Variants in PDE4B observed in about 807,000 individuals in gnomAD.
The protein encoded by PDE4B is 3',5'-cyclic-AMP phosphodiesterase 4B.
Under a neutral mutation model 82.2 loss-of-function variants are expected in PDE4B, and 20 were observed. That is an observed-to-expected ratio of 0.24 (90% CI 0.17 to 0.35). The LOEUF (loss-of-function observed/expected upper bound fraction) is 0.35, where lower values mean the gene tolerates loss of function less well. PDE4B is among the 10% of genes least tolerant of loss of function. PDE4B has a pLI of 1.00. For synonymous variants in PDE4B, 320 were observed against 318.9 expected (o/e 1.00, Z -0.04); for missense variants, 655 against 907.2 (o/e 0.72, Z 3.57).
intron 3 of PDE4B, among the ~76,000 whole-genome samples, chr1:65,931,006 G>T (rs915179612): frequency 6.6e-6 from 1 of 152,200 alleles, no homozygotes; most frequent in Admixed American, 6.5e-5. Flanking sequence ...GGTGGGAGGT[G>T]ATTGGATCAT....
chr1:66,019,074 A>G (rs1370329373), intron 3 of PDE4B, among the ~76,000 whole-genome samples: 3 of 152,186 alleles, frequency 2.0e-5, no homozygotes, highest in African/African-American at 7.2e-5. Context: ...ATGATGACAT[A>G]TAGTTTTAAT....
At chr1:65,812,301 T>C (rs1039076160) in intron 1 of PDE4B, among the ~76,000 whole-genome samples, 2 of 152,202 alleles carry the variant, frequency 1.3e-5, no homozygotes, top group Non-Finnish European at 2.9e-5. Flanking sequence ...TGGGTCCTCT[T>C]GTAGGTTAGT....
At chr1:66,270,679 G>A (rs1655411055) in intron 7 of PDE4B, among the ~76,000 whole-genome samples, 1 of 152,108 alleles carries the variant, frequency 6.6e-6, no homozygotes, top group Non-Finnish European at 1.5e-5. Flanking sequence ...GAACTGTCAG[G>A]CAGGATTACA....
chr1:66,183,095 G>T (rs1205202300), intron 3 of PDE4B, among the ~76,000 whole-genome samples: 1 of 152,120 alleles, frequency 6.6e-6, no homozygotes, highest in Non-Finnish European at 1.5e-5. Context: ...AGACAAGACT[G>T]CTCTCACCAC....
intron 1 of PDE4B, among the ~76,000 whole-genome samples, chr1:65,818,389 C>T (rs998213550): frequency 2.8e-4 from 42 of 152,140 alleles, no homozygotes; most frequent in African/African-American, 8.9e-4. Flanking sequence ...TTCTTGTGTT[C>T]TTTTCTCTTC....
chr1:65,948,840 T>C (rs938279014), intron 3 of PDE4B, among the ~76,000 whole-genome samples: 7 of 152,056 alleles, frequency 4.6e-5, no homozygotes, highest in Non-Finnish European at 7.4e-5. Context: ...GTGTTTTGGG[T>C]CACAGAACTG....
intron 1 of PDE4B, among the ~76,000 whole-genome samples, chr1:65,805,635 G>A (rs1645746509): frequency 6.6e-6 from 1 of 152,038 alleles, no homozygotes; most frequent in South Asian, 2.1e-4. Flanking sequence ...GATAGGTGGA[G>A]CATATCTTCC....
intron 7 of PDE4B, among the ~76,000 whole-genome samples, chr1:66,292,830 C>T (rs531934793): frequency 6.6e-6 from 1 of 152,308 alleles, no homozygotes; most frequent in South Asian, 2.1e-4. Context: ...ACTAATTCTA[C>T]ATGATTTGAA....
intron 1 of PDE4B, among the ~76,000 whole-genome samples, chr1:65,803,091 T>G (rs1645715356): frequency 6.6e-6 from 1 of 152,206 alleles, no homozygotes. Context: ...TAAACTTGGC[T>G]TAATCTCAGC....
At chr1:66,296,136 C>T (rs1232621697) in intron 7 of PDE4B, among the ~76,000 whole-genome samples, 1 of 152,134 alleles carries the variant, frequency 6.6e-6, no homozygotes, top group Non-Finnish European at 1.5e-5. Flanking sequence ...ATCTTTATCT[C>T]AGCCTTATCA....
intron 1 of PDE4B, among the ~76,000 whole-genome samples, chr1:65,909,971 A>C (rs1647069366): frequency 6.6e-6 from 1 of 152,214 alleles, no homozygotes; most frequent in Non-Finnish European, 1.5e-5. Flanking sequence ...AAAGATGTAA[A>C]TAAGACCCAA....
chr1:66,131,532 T>G (rs1338796090), intron 3 of PDE4B, among the ~76,000 whole-genome samples: 1 of 133,902 alleles, frequency 7.5e-6, no homozygotes, highest in African/African-American at 2.7e-5. Flanking sequence ...GCTATGAAAA[T>G]GGCAAAATCA....
At chr1:66,140,029 A>G (rs914359253) in intron 3 of PDE4B, among the ~76,000 whole-genome samples, 7 of 152,232 alleles carry the variant, frequency 4.6e-5, no homozygotes, top group African/African-American at 1.7e-4. Context: ...GATTCAAAGC[A>G]ATCAAACTTA....
At chr1:66,116,544 C>T (rs544466265) in intron 3 of PDE4B, among the ~76,000 whole-genome samples, 12 of 152,216 alleles carry the variant, frequency 7.9e-5, no homozygotes, top group South Asian at 2.1e-4. Context: ...TGTCAACATC[C>T]GGAGGTCAGT....
intron 1 of PDE4B, among the ~76,000 whole-genome samples, chr1:65,815,029 ATTTATTTATTT>A (rs1645865099): frequency 4.1e-4 from 3 of 7,280 alleles, no homozygotes. Context: ...CATTTTATTT[ATTTATTTATTT>A]ATTTATTTAT....
At chr1:66,134,212 A>G (rs141702798) in intron 3 of PDE4B, among the ~76,000 whole-genome samples, 2 of 152,320 alleles carry the variant, frequency 1.3e-5, no homozygotes, top group Non-Finnish European at 2.9e-5. Flanking sequence ...CAGAGAAACA[A>G]TTATGTCTTA....
At chr1:66,192,453 C>G (rs1468227615) in intron 3 of PDE4B, among the ~76,000 whole-genome samples, 1 of 152,140 alleles carries the variant, frequency 6.6e-6, no homozygotes, top group African/African-American at 2.4e-5. Flanking sequence ...TCTCACTGTA[C>G]TGTCCTTACT....
intron 3 of PDE4B, among the ~76,000 whole-genome samples, chr1:66,166,029 A>G (rs1646724349): frequency 6.6e-6 from 1 of 152,210 alleles, no homozygotes; most frequent in Non-Finnish European, 1.5e-5. Context: ...GTACTGACAT[A>G]AGGTAGACAT....
At chr1:66,048,627 G>A (rs1654847744) in intron 3 of PDE4B, among the ~76,000 whole-genome samples, 1 of 151,928 alleles carries the variant, frequency 6.6e-6, no homozygotes, top group Non-Finnish European at 1.5e-5. Flanking sequence ...TTTTATAGTT[G>A]TGGATGCTGG....
Sources: allele counts gnomAD v4.1 joint callset (sites outside exome capture counted in the v4.1 genomes callset), GRCh38; gene constraint gnomAD v4.1.1; transcripts MANE v1.5; gene names NCBI Gene and HGNC (gene_info 2026-07-23, HGNC 2026-07-21).